The following TMC6 variants were observed in gnomAD, a reference collection of about 807,000 sequenced individuals.
The protein encoded by TMC6 is transmembrane channel-like protein 6.
A neutral mutation model predicts 95.4 loss-of-function variants in TMC6; 71 were observed. The observed-to-expected ratio is 0.74, with a 90% CI of 0.61 to 0.91. TMC6 has a LOEUF of 0.91. Ranked by LOEUF, TMC6 falls within the 40% of genes least tolerant of loss-of-function variation. TMC6 has a pLI of 0.00. For missense variants in TMC6, 1,074 were observed against 1,079.1 expected (o/e 1.00, Z 0.07); for synonymous variants, 514 against 483.1 (o/e 1.06, Z -0.84).
upstream of TMC6, chr17:78,128,798 C>CGGGGGGG (rs549646681): frequency 2.7e-5 from 2 of 75,282 alleles, no homozygotes; most frequent in East Asian, 6.1e-4. This position sits in a 1 kb window ranked among gnomAD's most constrained non-coding sequence, Gnocchi z 4.0. Flanking sequence ...CCCACGTGGG[C>CGGGGGGG]GGGGGGGGGG....
At position 78,113,618 on chromosome 17, in the gene TMC6, C is replaced by T; in HGVS notation, c.2284G>A (p.Glu762Lys). Reference sequence around the variant, plus strand: ...TTGTTGATTAAGAAGATTTTGTCCTCACCCTCCTAGAAAGGCCAGAACACA... The same window carrying T: ...TTGTTGATTAAGAAGATTTTGTCCTTACCCTCCTAGAAAGGCCAGAACACA... ...LLKEQISNEG[E>K]DKIFLINKLH... Residue 762 changes from glutamate (E) to lysine (K), a missense_variant, in exon 19 of 20, where the codon GAG becomes AAG. Glu to Lys is a moderately conservative substitution (Grantham distance 56). Coordinates refer to ENST00000590602, the MANE Select transcript of TMC6 (RefSeq NM_001127198.5). The T allele has an allele frequency of 6.2e-7, 1 of 1,613,672 alleles. No homozygotes were observed.
At chr17:78,117,187 T>C (rs571021063) in intron 18 of TMC6, 82 bp downstream of exon 18, 4 of 1,437,242 alleles carry the variant, frequency 2.8e-6, no homozygotes, top group South Asian at 2.3e-5. Flanking sequence ...CCACAGGAGA[T>C]GTACAGGGGA....
intron 13 of TMC6, chr17:78,119,863 G>A (rs984332955): frequency 3.0e-5 from 10 of 338,516 alleles, no homozygotes; most frequent in Non-Finnish European, 4.5e-5. Context: ...GCCGAGGCTG[G>A]TCTCAAACTC....
chr17:78,120,371 G>T (rs559357856), intron 13 of TMC6: 7 of 518,402 alleles, frequency 1.4e-5, no homozygotes, highest in Admixed American at 4.6e-5. Context: ...TGCTGGCCAG[G>T]CTGGTCTCAA....
At chr17:78,129,775 G>C (rs1288185762), upstream of TMC6, among the ~76,000 whole-genome samples, 1 of 152,154 alleles carries the variant, frequency 6.6e-6, no homozygotes, top group Non-Finnish European at 1.5e-5. This position sits in a 1 kb window ranked among gnomAD's most constrained non-coding sequence, Gnocchi z 4.3. Context: ...TCCTCCCACT[G>C]CTTCCCCCTC....
At chr17:78,116,874 C>T (rs1005228707) in intron 18 of TMC6, among the ~76,000 whole-genome samples, 1 of 151,950 alleles carries the variant, frequency 6.6e-6, no homozygotes, top group Non-Finnish European at 1.5e-5. Flanking sequence ...AGCGAGACTC[C>T]GTCTCCAAAA....
intron 13 of TMC6, 198 bp downstream of exon 13, chr17:78,120,455 T>C (rs777680982): frequency 2.7e-5 from 22 of 820,128 alleles, no homozygotes; most frequent in Non-Finnish European, 4.1e-5. Flanking sequence ...CCACCATGCC[T>C]GGCCATACAC....
rs1219949888 is a variant in TMC6 at position 78,126,851 on chromosome 17, C to G, written c.-19G>C. On this transcript the variant is annotated 5_prime_UTR_variant, in exon 2 of 20. Transcript: ENST00000590602. ...GGGCCATGTCTCTGGCCAATGCCCG[C>G]TAGTCTGCAGACCTAGGGTAGCTCA... The G allele has an allele frequency of 1.2e-6, 2 of 1,611,216 alleles. No individual in the cohort carries two copies. Among genetic ancestry groups the G allele is most frequent in the Non-Finnish European group, 1.7e-6 (2 of 1,179,640 alleles).
In TMC6 at chr17:78,119,407, C is replaced by G. The variant is rs1380025338; in HGVS notation, c.1716-15G>C. On this transcript the variant is annotated splice_polypyrimidine_tract_variant and intron_variant, in intron 13 of 19. Transcript: ENST00000590602. ...CGGAGATAATCCTGCCTCCGAGGAC[C>G]CCGGATCGTTAGATGGGAAAGCCAT... is the stretch of plus-strand genomic sequence containing the variant. The G allele has an allele frequency of 5.6e-6, 9 of 1,613,458 alleles. No homozygotes were observed. The highest frequency in any genetic ancestry group is 7.6e-6 in the Non-Finnish European group (9 of 1,179,822).
At position 78,111,376 on chromosome 17, in the gene TMC6, A is replaced by C. The variant is rs978463864; in HGVS notation, c.*1772T>G. On this transcript the variant is annotated 3_prime_UTR_variant, in exon 20 of 20. Transcript: ENST00000590602. ...GGTCACAACCAATGATCATGCTGGCAAGCCAGCAGTGGCAGGCGCACGTCC... is the reference window on the plus strand; with the variant it reads ...GGTCACAACCAATGATCATGCTGGCCAGCCAGCAGTGGCAGGCGCACGTCC... The C allele has an allele frequency of 6.6e-6, 1 of 152,412 alleles. No individual in the cohort carries two copies. Among genetic ancestry groups the C allele is most frequent in the Non-Finnish European group, 1.5e-5 (1 of 68,154 alleles). The allele number at this position is 152,412 out of a possible 1,614,324, so 9.4% of individuals were successfully genotyped here.
chr17:78,123,541 ATGGGTGGATGGG>A lies in TMC6; in HGVS notation c.1082+436_1082+447del, dbSNP rs1032723178. 2.9e-5 allele frequency among the ~76,000 whole-genome samples: 4 copies of A among 138,916 alleles called. No individual in the cohort carries two copies. The East Asian group carries it at 6.8e-4, about 24-fold the overall frequency. 91.1% of individuals were successfully genotyped at this position (138,916 alleles called of 152,430 possible). ...GATGGATGGGTGGGTAGATGGATGA[ATGGGTGGATGGG>A]TGGGTGGATGGGTGAATGGGTGAAT... On this transcript the variant is annotated intron_variant, in intron 9 of 19. Coordinates refer to ENST00000590602, the MANE Select transcript of TMC6 (RefSeq NM_001127198.5).
chr17:78,113,301 G>T, intron 19 of TMC6, 90 bp from the exon 20 acceptor site: 1 of 1,420,458 alleles, frequency 7.0e-7, no homozygotes, highest in Non-Finnish European at 9.6e-7. Context: ...GCGAGGGACA[G>T]GCCAGACGCC....
At chr17:78,130,814 A>AG (rs2074944497), upstream of TMC6, 1 of 152,402 alleles carries the variant, frequency 6.6e-6, no homozygotes, top group Non-Finnish European at 1.5e-5. Context: ...TCGTCTGAGA[A>AG]GGGGACTCCT....
Position 78,124,130 on chromosome 17 carries a change from G to A in TMC6, c.941C>T (p.Thr314Met), listed in dbSNP as rs151028330. 9.9e-5 allele frequency: 160 copies of A among 1,612,892 alleles called. No individual in the cohort carries two copies. The African/African-American group carries it at 1.2e-3, about 12-fold the overall frequency. The change falls in exon 9 of 20, where the codon ACG (threonine) becomes ATG (methionine). Residue 314 changes from threonine to methionine, a missense_variant. Physicochemically the swap from Thr to Met is moderately conservative, Grantham distance 81. Transcript: ENST00000590602. ...VMYYGHYSNA[T>M]LNQPCGSPLD... ...GGGGCTGCCACACGGCTGGTTCAGC[G>A]TGGCGTTACTGTAGTGGCCGTAGTA...
chr17:78,126,716 G>A (rs538621158), intron 2 of TMC6, 61 bp downstream of exon 2: 17 of 1,611,862 alleles, frequency 1.1e-5, no homozygotes, highest in South Asian at 5.5e-5. Context: ...CCCTGCTCAG[G>A]TGACCTCTCC....
intron 18 of TMC6, among the ~76,000 whole-genome samples, chr17:78,116,908 T>C (rs1337828432): frequency 1.3e-5 from 2 of 152,114 alleles, no homozygotes; most frequent in Non-Finnish European, 2.9e-5. Context: ...GTCCTAACTC[T>C]CAACCTTAAT....
intron 15 of TMC6, 53 bp downstream of exon 15, chr17:78,118,918 C>T: frequency 1.3e-6 from 2 of 1,543,556 alleles, no homozygotes; most frequent in South Asian, 2.4e-5. Context: ...AGTCCTGCCC[C>T]CACTGCCGGC....
chr17:78,120,741 C>T lies in TMC6; in HGVS notation c.1627G>A (p.Asp543Asn). The change falls in exon 13 of 20, where the codon GAT (aspartate) becomes AAT (asparagine). Residue 543 changes from aspartate to asparagine, a missense_variant. Asp to Asn is a conservative substitution (Grantham distance 23, BLOSUM62 1). Transcript: ENST00000590602. ...VGVLQGQCWE[D>N]FVGQELYRFL... ...CGGTACAGCTCCTGGCCCACAAAAT[C>T]CTCCCAGCACTGGCCCTGCAGGACG... 2 of 1,613,820 alleles carry T rather than the reference C, an allele frequency of 1.2e-6. No individual in the cohort carries two copies. The highest frequency in any genetic ancestry group is 1.7e-6 in the Non-Finnish European group (2 of 1,180,000).
In TMC6 at chr17:78,122,737, AGAGT is replaced by A; in HGVS notation, c.1091_1094del (p.His364LeufsTer27). On this transcript the variant is annotated frameshift_variant, in exon 10 of 20. Transcript: ENST00000590602. LOFTEE classifies it high-confidence loss of function. The surrounding 1 kb of genome is among the most constrained non-coding windows in gnomAD (Gnocchi z 4.9). ...TGCCCACCCGGTAGCTCTCCCCGAA[AGAGT>A]GAGCCATGCTGGGGAGAAGCAGACA... is the stretch of plus-strand genomic sequence containing the variant. 6.2e-7 allele frequency: 1 copy of A among 1,610,692 alleles called. No individual in the cohort carries two copies. Among genetic ancestry groups the A allele is most frequent in the South Asian group, 1.1e-5 (1 of 90,794 alleles).
Sources: gnomAD v4.1 joint callset for allele counts (sites outside exome capture counted in the v4.1 genomes callset) on GRCh38, gnomAD v4.1.1 for gene constraint, Gnocchi (gnomAD v3.1) non-coding constraint, MANE v1.5 for transcripts, NCBI Gene and HGNC (gene_info 2026-07-23, HGNC 2026-07-21) for gene names.